The following PDE3B variants were observed in gnomAD, a reference collection of about 807,000 sequenced individuals.
PDE3B encodes the protein phosphodiesterase 3B.
In PDE3B, 66 loss-of-function variants were observed where a neutral mutation model predicts 116.8. The ratio of observed to expected loss-of-function variants is 0.56; its 90% confidence interval spans 0.46 to 0.69. The LOEUF is 0.69. Among genes scored for constraint, PDE3B ranks in the 30% least tolerant of loss-of-function variants. PDE3B has a pLI of 0.00. For synonymous variants in PDE3B, 595 were observed against 533.6 expected (o/e 1.12, Z -1.59); for missense variants, 1,384 against 1,368.1 (o/e 1.01, Z -0.18).
At chr11:14,756,946 TC>T (rs1857203497) in intron 1 of PDE3B, among the ~76,000 whole-genome samples, 2 of 83,268 alleles carry the variant, frequency 2.4e-5, no homozygotes, top group Admixed American at 1.5e-4. Flanking sequence ...ATGCTATCCC[TC>T]CCCCCTCCCC....
chr11:14,893,564 A>G, the PDE3B span, among the ~76,000 whole-genome samples: 1 of 152,076 alleles, frequency 6.6e-6, no homozygotes, highest in South Asian at 2.1e-4. Context: ...ACTGTAGGAG[A>G]GATTCTATTT....
chr11:14,848,692 A>G (rs1847669420), intron 12 of PDE3B, among the ~76,000 whole-genome samples: 1 of 152,222 alleles, frequency 6.6e-6, no homozygotes, highest in Non-Finnish European at 1.5e-5. Flanking sequence ...TTATACACCA[A>G]TAACAGACAA....
chr11:14,838,968 G>C (rs1053451290), intron 11 of PDE3B, among the ~76,000 whole-genome samples: 1 of 152,166 alleles, frequency 6.6e-6, no homozygotes. Flanking sequence ...ATGTTGAAAT[G>C]GGGTGATCAT....
At chr11:14,841,048 T>C (rs1860206816) in intron 11 of PDE3B, among the ~76,000 whole-genome samples, 1 of 152,070 alleles carries the variant, frequency 6.6e-6, no homozygotes, top group South Asian at 2.1e-4. Context: ...CTTCAGGGTA[T>C]TTTTTGGATG....
chr11:14,779,048 C>T (rs188034066), intron 2 of PDE3B, among the ~76,000 whole-genome samples: 8 of 151,962 alleles, frequency 5.3e-5, no homozygotes, highest in Admixed American at 3.9e-4. Flanking sequence ...GTAGCCGATT[C>T]GATCAAGTAG....
intron 1 of PDE3B, among the ~76,000 whole-genome samples, chr11:14,681,757 G>T (rs1854716824): frequency 6.6e-6 from 1 of 152,112 alleles, no homozygotes; most frequent in Non-Finnish European, 1.5e-5. Context: ...TTTGTATTCT[G>T]TGATGTTGCT....
At position 14,643,919 on chromosome 11, in the gene PDE3B, G is replaced by C; in HGVS notation, c.-157G>C. ...CCCGGACTCCGCCGCTCCTCAGTCC[G>C]CGCGGTGGGGACCCCGGGCCGTGGC... On this transcript the variant is annotated 5_prime_UTR_variant, in exon 1 of 16. Coordinates refer to ENST00000282096, the MANE Select transcript of PDE3B (RefSeq NM_000922.4). The C allele has an allele frequency of 8.8e-7, 1 of 1,130,388 alleles. No homozygotes were observed. The highest frequency in any genetic ancestry group is 1.2e-6 in the Non-Finnish European group (1 of 861,110). 70.0% of individuals were successfully genotyped at this position (1,130,388 alleles called of 1,614,324 possible).
chr11:14,894,916 T>C, the PDE3B span, among the ~76,000 whole-genome samples: 3 of 152,244 alleles, frequency 2.0e-5, no homozygotes, highest in South Asian at 6.2e-4. Flanking sequence ...CACTGTTTCA[T>C]GGCTGAGATC....
intron 1 of PDE3B, among the ~76,000 whole-genome samples, chr11:14,654,496 AG>A (rs1294137274): frequency 1.3e-5 from 2 of 152,192 alleles, no homozygotes; most frequent in Non-Finnish European, 2.9e-5. Flanking sequence ...ATTTTAGAAA[AG>A]GAAAAATTGA....
At chr11:14,656,135 A>T (rs1381122996) in intron 1 of PDE3B, among the ~76,000 whole-genome samples, 1 of 152,162 alleles carries the variant, frequency 6.6e-6, no homozygotes, top group Non-Finnish European at 1.5e-5. Context: ...AAAAGGAGGT[A>T]TGAAGATGCT....
chr11:14,664,556 T>G (rs1391998494), intron 1 of PDE3B, among the ~76,000 whole-genome samples: 2 of 151,850 alleles, frequency 1.3e-5, no homozygotes, highest in African/African-American at 4.8e-5. Context: ...AAGAATCAAA[T>G]AGACACAATA....
intron 2 of PDE3B, chr11:14,774,384 A>T (rs563818274): frequency 2.6e-5 from 4 of 152,288 alleles, no homozygotes; most frequent in African/African-American, 9.6e-5. Flanking sequence ...CTTAATACAA[A>T]TGTGGGCCAA....
chr11:14,881,705 T>C, the PDE3B span, among the ~76,000 whole-genome samples: 1 of 152,100 alleles, frequency 6.6e-6, no homozygotes. Flanking sequence ...CCCTACTTGC[T>C]CTGTTGCTAC....
chr11:14,726,330 G>A (rs1480975463), intron 1 of PDE3B, among the ~76,000 whole-genome samples: 1 of 151,922 alleles, frequency 6.6e-6, no homozygotes, highest in Non-Finnish European at 1.5e-5. Context: ...GACCTTGTCT[G>A]TCTTATTAAT....
chr11:14,726,414 A>G (rs547399689), intron 1 of PDE3B, among the ~76,000 whole-genome samples: 1 of 152,134 alleles, frequency 6.6e-6, no homozygotes, highest in South Asian at 2.1e-4. Flanking sequence ...TTTTTAGTGA[A>G]TGAATGAATG....
At chr11:14,657,192 A>T (rs990489819) in intron 1 of PDE3B, among the ~76,000 whole-genome samples, 2 of 152,190 alleles carry the variant, frequency 1.3e-5, no homozygotes, top group African/African-American at 4.8e-5. Flanking sequence ...TACACTGGGA[A>T]GTCAAACAAA....
chr11:14,880,425 G>A, the PDE3B span: 39 of 1,613,328 alleles, frequency 2.4e-5, no homozygotes, highest in Non-Finnish European at 3.2e-5. Context: ...CAAAAGGCAG[G>A]ATGCCAATCC....
intron 1 of PDE3B, among the ~76,000 whole-genome samples, chr11:14,680,186 C>A (rs1472801604): frequency 6.6e-6 from 1 of 152,192 alleles, no homozygotes; most frequent in African/African-American, 2.4e-5. Context: ...ACACCCTTGG[C>A]AGAGGTCCTA....
intron 5 of PDE3B, among the ~76,000 whole-genome samples, chr11:14,806,027 C>A (rs1416041361): frequency 6.6e-6 from 1 of 152,196 alleles, no homozygotes; most frequent in Non-Finnish European, 1.5e-5. Flanking sequence ...AATAGGAAGG[C>A]TTTTACACAG....
Sources: gnomAD v4.1 joint callset for allele counts (sites outside exome capture counted in the v4.1 genomes callset) on GRCh38, gnomAD v4.1.1 for gene constraint, MANE v1.5 for transcripts, NCBI Gene and HGNC (gene_info 2026-07-23, HGNC 2026-07-21) for gene names.